The following PHKA1 variants were observed in gnomAD, a reference collection of about 807,000 sequenced individuals.
The protein encoded by PHKA1 is phosphorylase b kinase regulatory subunit alpha, skeletal muscle isoform.
PHKA1 carries 60 observed loss-of-function variants against 110.2 expected under a neutral mutation model. That is an observed-to-expected ratio of 0.54 (90% confidence interval 0.44 to 0.68). PHKA1 has a LOEUF of 0.68. Ranked by LOEUF, PHKA1 falls within the 30% of genes least tolerant of loss-of-function variation. The probability of loss-of-function intolerance (pLI) is 0.00; values close to 1 mark genes in which losing one functional copy is unlikely to be tolerated. For missense variants in PHKA1, 801 were observed against 942.5 expected, an observed-to-expected ratio of 0.85 and a Z score of 1.97; for synonymous variants, 316 against 333.6, an observed-to-expected ratio of 0.95 and a Z score of 0.58.
At chrX:72,685,713 A>G (rs946004601) in intron 4 of PHKA1, among the ~76,000 whole-genome samples, 1 of 112,139 alleles carries the variant, frequency 8.9e-6, no homozygotes, top group Non-Finnish European at 1.9e-5. Flanking sequence ...ATTTGATTCT[A>G]AACTAAGAAA....
chrX:72,692,338 G>C (rs1427546891), intron 4 of PHKA1, among the ~76,000 whole-genome samples: 1 of 111,570 alleles, frequency 9.0e-6, no homozygotes, highest in Non-Finnish European at 1.9e-5. Flanking sequence ...TCTGGTTTTA[G>C]CATCAGAGTA....
At chrX:72,679,185 T>C (rs1269031036) in intron 5 of PHKA1, among the ~76,000 whole-genome samples, 1 of 111,709 alleles carries the variant, frequency 9.0e-6, no homozygotes, top group Non-Finnish European at 1.9e-5. Context: ...GAAAACTTCA[T>C]AATTCAGGGG....
At chrX:72,709,489 G>T (rs2054335384) in intron 2 of PHKA1, 1 of 109,213 alleles carries the variant, frequency 9.2e-6, no homozygotes, top group African/African-American at 3.3e-5. Flanking sequence ...AGAATTGGAA[G>T]GAAGGGTAGA....
chrX:72,623,214 T>C lies in PHKA1; in HGVS notation c.1855A>G (p.Met619Val), dbSNP rs782505277. The change falls in exon 18 of 32, where the codon ATG (methionine) becomes GTG (valine). Residue 619 changes from methionine to valine, a missense_variant. Physicochemically the swap from Met to Val is conservative, Grantham distance 21. This residue lies in a region of PHKA1 where 502 missense variants were observed against 519.2 expected (regional missense o/e 0.97). Coordinates refer to ENST00000373542, the MANE Select transcript of PHKA1 (RefSeq NM_002637.4). ...TTSCCTHLSF[M>V]DPGPEGKLYS... is the part of the protein sequence containing the mutation. ...AGCTTACCCTCAGGTCCAGGGTCCA[T>C]GAAGCTCAAGTGTGTGCAACAAGAT... The C allele has an allele frequency of 7.5e-6, 9 of 1,207,911 alleles. No individual in the cohort carries two copies. Among genetic ancestry groups the C allele is most frequent in the Non-Finnish European group, 1.0e-5 (9 of 894,055 alleles).
intron 10 of PHKA1, among the ~76,000 whole-genome samples, chrX:72,654,669 G>A (rs1556300399): frequency 9.0e-6 from 1 of 111,541 alleles, no homozygotes; most frequent in Non-Finnish European, 1.9e-5. Flanking sequence ...CATGTATAAA[G>A]CCATGATACT....
chrX:72,627,168 A>G (rs782599023), intron 16 of PHKA1, 119 bp from the exon 17 acceptor site: 22 of 552,337 alleles, frequency 4.0e-5, no homozygotes, highest in African/African-American at 6.8e-5. Context: ...GACACTCCTC[A>G]TTGACCATCC....
chrX:72,670,081 C>A (rs945358219), intron 6 of PHKA1, among the ~76,000 whole-genome samples: 1 of 111,608 alleles, frequency 9.0e-6, no homozygotes, highest in African/African-American at 3.3e-5. Context: ...TTCTAACTGG[C>A]GTGAGATGGT....
chrX:72,702,426 G>A (rs1335330381), intron 3 of PHKA1, among the ~76,000 whole-genome samples: 1 of 111,571 alleles, frequency 9.0e-6, no homozygotes, highest in African/African-American at 3.3e-5. Flanking sequence ...CTCCAGCCTG[G>A]GTGACAGAAA....
chrX:72,703,871 T>C (rs2054241206), intron 3 of PHKA1, among the ~76,000 whole-genome samples: 1 of 111,686 alleles, frequency 9.0e-6, no homozygotes, highest in Admixed American at 9.6e-5. Context: ...TAAAACACAA[T>C]CTTGATCTTC....
At chrX:72,615,370 A>C (rs1276840863) in intron 21 of PHKA1, among the ~76,000 whole-genome samples, 3 of 111,869 alleles carry the variant, frequency 2.7e-5, no homozygotes, top group Admixed American at 9.5e-5. Context: ...GATGGTGTGT[A>C]AATTACTTAC....
intron 3 of PHKA1, among the ~76,000 whole-genome samples, chrX:72,696,937 G>C (rs933906866): frequency 2.7e-5 from 3 of 111,342 alleles, no homozygotes; most frequent in African/African-American, 9.8e-5. Context: ...AGGCCTGAGA[G>C]CACCCCCTCA....
intron 10 of PHKA1, among the ~76,000 whole-genome samples, chrX:72,655,654 G>A (rs996769285): frequency 2.7e-5 from 3 of 109,693 alleles, no homozygotes; most frequent in Non-Finnish European, 5.7e-5. Flanking sequence ...ACGGAGTCTC[G>A]CTCTGTCGCC....
At chrX:72,702,510 T>C (rs2054219259) in intron 3 of PHKA1, among the ~76,000 whole-genome samples, 1 of 111,626 alleles carries the variant, frequency 9.0e-6, no homozygotes, top group African/African-American at 3.3e-5. Flanking sequence ...TAATAATGTA[T>C]GGACTTCAGA....
chrX:72,652,154 T>A (rs1167656896), intron 12 of PHKA1, among the ~76,000 whole-genome samples: 3 of 112,222 alleles, frequency 2.7e-5, no homozygotes, highest in Non-Finnish European at 5.6e-5. Flanking sequence ...ATCAGTTAAT[T>A]TAGTTAAAGA....
At chrX:72,646,984 T>G (rs1437981948) in intron 13 of PHKA1, among the ~76,000 whole-genome samples, 3 of 109,844 alleles carry the variant, frequency 2.7e-5, no homozygotes, top group Non-Finnish European at 5.7e-5. Context: ...TAAAAAAAAT[T>G]AGCCAGGTGT....
intron 28 of PHKA1, among the ~76,000 whole-genome samples, chrX:72,596,460 T>C (rs781926685): frequency 9.0e-6 from 1 of 111,688 alleles, no homozygotes; most frequent in South Asian, 3.7e-4. Context: ...TGTCTTACTA[T>C]AATAAAAAAA....
At chrX:72,679,924 G>C (rs1198621461) in intron 5 of PHKA1, among the ~76,000 whole-genome samples, 1 of 111,403 alleles carries the variant, frequency 9.0e-6, no homozygotes, top group South Asian at 3.8e-4. Flanking sequence ...GATCTATGGA[G>C]CTAAATGGAC....
intron 29 of PHKA1, among the ~76,000 whole-genome samples, chrX:72,588,957 A>G (rs1451639112): frequency 8.9e-6 from 1 of 111,752 alleles, no homozygotes. Context: ...ACCAAAAAAA[A>G]GTCCAGGACC....
chrX:72,605,660 C>G, intron 23 of PHKA1, 41 bp from the exon 24 acceptor site: 9 of 984,439 alleles, frequency 9.1e-6, no homozygotes, highest in Admixed American at 2.2e-5. Flanking sequence ...ATTCTACAAC[C>G]ACTTAATCTT....
Sources: gnomAD v4.1 joint callset for allele counts (sites outside exome capture counted in the v4.1 genomes callset) on GRCh38, gnomAD v4.1.1 for gene constraint, gnomAD v4.1.1 regional missense constraint, MANE v1.5 for transcripts, NCBI Gene and HGNC (gene_info 2026-07-23, HGNC 2026-07-21) for gene names.